The following ENTREP2 variants were observed in gnomAD, a reference collection of about 807,000 sequenced individuals.
ENTREP2 encodes the protein endosomal transmembrane epsin interactor 2.
chr15:29,622,046 T>G, the ENTREP2 span, among the ~76,000 whole-genome samples: 1 of 152,176 alleles, frequency 6.6e-6, no homozygotes, highest in African/African-American at 2.4e-5. Flanking sequence ...AACATGGTGG[T>G]TGCCAGGGGC....
At chr15:29,513,403 G>C in the ENTREP2 span, among the ~76,000 whole-genome samples, 2 of 152,148 alleles carry the variant, frequency 1.3e-5, no homozygotes, top group Non-Finnish European at 2.9e-5. Context: ...AAACCCTAAG[G>C]TTCCACGGAA....
chr15:29,495,056 T>C, the ENTREP2 span, among the ~76,000 whole-genome samples: 1 of 152,232 alleles, frequency 6.6e-6, no homozygotes, highest in African/African-American at 2.4e-5. Flanking sequence ...TTTGGATATA[T>C]ACCCAGAAGT....
the ENTREP2 span, among the ~76,000 whole-genome samples, chr15:29,149,017 T>C: frequency 6.6e-6 from 1 of 152,076 alleles, no homozygotes; most frequent in Non-Finnish European, 1.5e-5. Context: ...GCTGGGATTA[T>C]CGGCATGTGC....
At chr15:29,549,160 T>TAAA in the ENTREP2 span, among the ~76,000 whole-genome samples, 1 of 152,218 alleles carries the variant, frequency 6.6e-6, no homozygotes, top group African/African-American at 2.4e-5. Flanking sequence ...CAAATGCTTT[T>TAAA]AGACCACGTT....
chr15:29,157,392 A>C, the ENTREP2 span, among the ~76,000 whole-genome samples: 1 of 152,218 alleles, frequency 6.6e-6, no homozygotes, highest in African/African-American at 2.4e-5. Flanking sequence ...CCTACAGAAG[A>C]GGGCATTTCT....
the ENTREP2 span, chr15:29,613,872 C>T: frequency 7.1e-4 from 119 of 167,872 alleles, no homozygotes; most frequent in Non-Finnish European, 1.3e-3. Flanking sequence ...ATAGGGCTCT[C>T]ACCATGCCCA....
At chr15:29,654,786 A>G in the ENTREP2 span, among the ~76,000 whole-genome samples, 1 of 152,224 alleles carries the variant, frequency 6.6e-6, no homozygotes, top group African/African-American at 2.4e-5. Flanking sequence ...GCCTTTGATT[A>G]TACACTAGCA....
At chr15:29,579,782 C>T in the ENTREP2 span, among the ~76,000 whole-genome samples, 60 of 145,058 alleles carry the variant, frequency 4.1e-4, no homozygotes, top group African/African-American at 1.3e-3. Context: ...GCGATCTCGG[C>T]TCACTGCAAG....
chr15:29,467,057 C>G, the ENTREP2 span, among the ~76,000 whole-genome samples: 1 of 149,626 alleles, frequency 6.7e-6, no homozygotes, highest in South Asian at 2.1e-4. Context: ...AGGGGAGGGC[C>G]CAGGGGAGGA....
the ENTREP2 span, among the ~76,000 whole-genome samples, chr15:29,328,978 T>C: frequency 6.6e-6 from 1 of 152,196 alleles, no homozygotes; most frequent in Non-Finnish European, 1.5e-5. Flanking sequence ...CTGAACCCTA[T>C]GTATACTATG....
the ENTREP2 span, among the ~76,000 whole-genome samples, chr15:29,500,028 A>T: frequency 0.43 from 65,721 of 151,932 alleles, 14,691 homozygotes; most frequent in African/African-American, 0.55. Flanking sequence ...ACTAATAAAA[A>T]GGTCAAGTCA....
the ENTREP2 span, among the ~76,000 whole-genome samples, chr15:29,214,222 A>G: frequency 6.6e-6 from 1 of 152,222 alleles, no homozygotes; most frequent in African/African-American, 2.4e-5. Context: ...TCATGCTGCT[A>G]TAAAGACACA....
At chr15:29,547,098 T>A in the ENTREP2 span, among the ~76,000 whole-genome samples, 1 of 150,858 alleles carries the variant, frequency 6.6e-6, no homozygotes, top group African/African-American at 2.4e-5. Flanking sequence ...CAATTTTTTT[T>A]TTTTTTTGAG....
the ENTREP2 span, among the ~76,000 whole-genome samples, chr15:29,153,642 G>C: frequency 6.6e-6 from 1 of 152,158 alleles, no homozygotes; most frequent in African/African-American, 2.4e-5. Flanking sequence ...TTATATCTGA[G>C]TTTTTAAAGA....
At chr15:29,435,375 T>C in the ENTREP2 span, among the ~76,000 whole-genome samples, 1 of 152,070 alleles carries the variant, frequency 6.6e-6, no homozygotes, top group Non-Finnish European at 1.5e-5. Flanking sequence ...TGGACCCACA[T>C]TTTGGTACAT....
the ENTREP2 span, among the ~76,000 whole-genome samples, chr15:29,439,752 G>C: frequency 6.6e-6 from 1 of 152,304 alleles, no homozygotes; most frequent in East Asian, 1.9e-4. Context: ...CTCTCCCCCA[G>C]GAGGCAAAGC....
the ENTREP2 span, among the ~76,000 whole-genome samples, chr15:29,667,280 C>T: frequency 5.9e-5 from 9 of 151,294 alleles, no homozygotes; most frequent in African/African-American, 1.2e-4. Flanking sequence ...CTCTGCCTCC[C>T]GGGTTCATGC....
the ENTREP2 span, among the ~76,000 whole-genome samples, chr15:29,667,947 T>C: frequency 4.4e-3 from 664 of 152,282 alleles, 3 homozygotes; most frequent in Non-Finnish European, 7.1e-3. Flanking sequence ...CAGAGGATAG[T>C]GGCAGCTGTC....
At chr15:29,593,127 G>T in the ENTREP2 span, among the ~76,000 whole-genome samples, 1 of 152,194 alleles carries the variant, frequency 6.6e-6, no homozygotes. Flanking sequence ...GTCCAGATCT[G>T]TTACTTACTA....
Sources: allele counts gnomAD v4.1 joint callset (sites outside exome capture counted in the v4.1 genomes callset), GRCh38; gene constraint gnomAD v4.1.1; transcripts MANE v1.5; gene names NCBI Gene and HGNC (gene_info 2026-07-23, HGNC 2026-07-21).